Variants in ANK2 observed in about 807,000 individuals in gnomAD.
ANK2 encodes ankyrin 2.
Under a neutral mutation model 360.5 loss-of-function variants are expected in ANK2, and 83 were observed. The ratio of observed to expected loss-of-function variants is 0.23; its 90% CI spans 0.19 to 0.28. The LOEUF is 0.28. Among genes scored for constraint, ANK2 ranks in the 10% least tolerant of loss-of-function variants. ANK2 has a pLI of 1.00. For missense variants in ANK2, 4,201 were observed against 4,795.7 expected, an observed-to-expected ratio of 0.88 and a Z score of 3.66; for synonymous variants, 1,740 against 1,759.5, an observed-to-expected ratio of 0.99 and a Z score of 0.28.
the ANK2 span, among the ~76,000 whole-genome samples, chr4:112,734,081 G>T: frequency 1.3e-5 from 2 of 152,084 alleles, no homozygotes; most frequent in African/African-American, 4.8e-5. Flanking sequence ...AGCTAACAGA[G>T]ATTACTTATA....
Position 113,245,825 on chromosome 4 carries a change from C to T in ANK2, c.891+3616C>T, listed in dbSNP as rs529836648. On this transcript the variant is annotated intron_variant, in intron 9 of 45. Coordinates refer to ENST00000357077, the MANE Select transcript of ANK2 (RefSeq NM_001148.6). ...TATGAAAATTTTTTTTTTTTTGAGACGGAGTTTTCACTCTTGTCACCCAGG... is the reference window on the plus strand; with the variant it reads ...TATGAAAATTTTTTTTTTTTTGAGATGGAGTTTTCACTCTTGTCACCCAGG... 1.3e-4 allele frequency among the ~76,000 whole-genome samples: 20 copies of T among 149,804 alleles called. No individual in the cohort carries two copies. In the South Asian group the frequency reaches 2.3e-3, roughly 17 times the overall value.
the ANK2 span, chr4:112,738,577 G>C: frequency 5.1e-5 from 23 of 446,940 alleles, no homozygotes; most frequent in East Asian, 1.2e-3. Context: ...CTAGTCTGCA[G>C]GTTCAGGAGA....
chr4:112,951,340 T>TA (rs1357599957), intron 2 of ANK2, among the ~76,000 whole-genome samples: 2 of 152,136 alleles, frequency 1.3e-5, no homozygotes, highest in African/African-American at 4.8e-5. Context: ...TTTATTGACA[T>TA]AAAAAGGTAT....
At chr4:112,848,490 A>C (rs149866967) in intron 1 of ANK2, among the ~76,000 whole-genome samples, 1 of 152,206 alleles carries the variant, frequency 6.6e-6, no homozygotes. Context: ...AGAGAATTAC[A>C]TAAAGTACCG....
intron 2 of ANK2, among the ~76,000 whole-genome samples, chr4:112,912,635 G>C (rs991484659): frequency 1.1e-4 from 16 of 152,026 alleles, no homozygotes; most frequent in African/African-American, 3.6e-4. Flanking sequence ...CCCACACTAT[G>C]GTTTCTAGAA....
chr4:112,844,743 G>C (rs1341432262), intron 1 of ANK2, among the ~76,000 whole-genome samples: 1 of 152,214 alleles, frequency 6.6e-6, no homozygotes. Context: ...TTATGCATCT[G>C]TAGGGGGAGG....
At chr4:112,811,260 T>C in the ANK2 span, among the ~76,000 whole-genome samples, 2 of 152,124 alleles carry the variant, frequency 1.3e-5, no homozygotes, top group African/African-American at 4.8e-5. Flanking sequence ...AGTTTTCCGG[T>C]AGAATTCCAC....
At chr4:113,327,133 G>A (rs1039483861) in intron 26 of ANK2, among the ~76,000 whole-genome samples, 24 of 152,012 alleles carry the variant, frequency 1.6e-4, no homozygotes, top group Middle Eastern at 3.2e-3. Context: ...GATACTTATA[G>A]GTAAATTTAT....
At chr4:112,983,953 A>G (rs59831391) in intron 2 of ANK2, among the ~76,000 whole-genome samples, 53,653 of 151,996 alleles carry the variant, frequency 0.35, 10,272 homozygotes, top group African/African-American at 0.51. Context: ...AATGAAGACA[A>G]AGTCTGATTA....
chr4:113,110,668 C>A (rs1303984924), intron 1 of ANK2, among the ~76,000 whole-genome samples: 1 of 152,142 alleles, frequency 6.6e-6, no homozygotes, highest in Non-Finnish European at 1.5e-5. Flanking sequence ...CACTTCAATT[C>A]TCTGGTGCCA....
intron 1 of ANK2, among the ~76,000 whole-genome samples, chr4:112,836,961 G>T (rs2061117590): frequency 6.6e-6 from 1 of 152,234 alleles, no homozygotes; most frequent in Non-Finnish European, 1.5e-5. Flanking sequence ...ATTCAAGCCA[G>T]ATGCATAAAT....
At chr4:112,973,679 T>A (rs139065095) in intron 2 of ANK2, among the ~76,000 whole-genome samples, 191 of 152,320 alleles carry the variant, frequency 1.3e-3, no homozygotes, top group Middle Eastern at 6.8e-3. Context: ...GTGACTGAAA[T>A]GTTAAATAAT....
rs2077014639 is a variant in ANK2 at position 113,305,788 on chromosome 4, TTTCTC to T, written c.2548+2951_2548+2955del. On this transcript the variant is annotated intron_variant, in intron 23 of 45. Coordinates refer to ENST00000357077, the MANE Select transcript of ANK2 (RefSeq NM_001148.6). Reference sequence around the variant, plus strand: ...TTGAAAATTATTAGCTAATCCCTGTTTTCTCTACAGTCTATTGTTTTATTAGTAGT... The same window carrying T: ...TTGAAAATTATTAGCTAATCCCTGTTTACAGTCTATTGTTTTATTAGTAGT... Among the ~76,000 whole-genome samples, 2 of 152,228 alleles carry T rather than the reference TTTCTC, an allele frequency of 1.3e-5. 1 individual carries two copies. The highest frequency in any genetic ancestry group is 4.1e-4 in the South Asian group (2 of 4,834).
intron 2 of ANK2, among the ~76,000 whole-genome samples, chr4:113,022,765 A>T (rs771720798): frequency 1.3e-5 from 2 of 152,206 alleles, no homozygotes; most frequent in Non-Finnish European, 2.9e-5. Context: ...CAATGATGAG[A>T]CTTGAAAAAT....
At chr4:112,786,339 G>GA in the ANK2 span, among the ~76,000 whole-genome samples, 1 of 149,188 alleles carries the variant, frequency 6.7e-6, no homozygotes, top group Non-Finnish European at 1.5e-5. Flanking sequence ...TTTTGTGTGT[G>GA]AAAAAAGAAA....
intron 2 of ANK2, among the ~76,000 whole-genome samples, chr4:112,975,734 T>A (rs1262771314): frequency 2.0e-5 from 3 of 152,176 alleles, no homozygotes; most frequent in East Asian, 1.9e-4. Flanking sequence ...CCTTTAATTT[T>A]GACAGTAATC....
chr4:113,356,879 C>A lies in ANK2; in HGVS notation c.8261C>A (p.Ala2754Asp). The A allele has an allele frequency of 6.2e-7, 1 of 1,614,014 alleles. No individual in the cohort carries two copies. The highest frequency in any genetic ancestry group is 8.5e-7 in the Non-Finnish European group (1 of 1,179,984). ...AEDRHAVSTE[A>D]EDRSYDKLNR... ...GACCGTCATGCTGTTTCCACTGAGG[C>A]TGAAGACAGGTCTTATGATAAGCTA... Residue 2754 changes from alanine to aspartate, a missense_variant, in exon 38 of 46, where the codon GCT becomes GAT. This residue lies in a region of ANK2 where 2,642 missense variants were observed against 2,714.5 expected (regional missense o/e 0.97). Transcript: ENST00000357077.
intron 2 of ANK2, among the ~76,000 whole-genome samples, chr4:112,956,152 TTACCTACAAATTTAATGTCTTC>T (rs1413078375): frequency 4.6e-5 from 7 of 152,230 alleles, no homozygotes; most frequent in East Asian, 1.9e-4. Flanking sequence ...TGTTTGCCTT[TTACCTACAAATTTAATGTCTTC>T]TACCTACAAA....
chr4:113,349,110 T>C (rs181566045), intron 36 of ANK2, among the ~76,000 whole-genome samples: 85 of 152,260 alleles, frequency 5.6e-4, no homozygotes, highest in African/African-American at 1.9e-3. Context: ...GAGGTGTTTG[T>C]TATTAAATAC....
Sources: gnomAD v4.1 joint callset for allele counts (sites outside exome capture counted in the v4.1 genomes callset) on GRCh38, gnomAD v4.1.1 for gene constraint, gnomAD v4.1.1 regional missense constraint, MANE v1.5 for transcripts, NCBI Gene and HGNC (gene_info 2026-07-23, HGNC 2026-07-21) for gene names.